RAP1GDS1: variants seen among roughly 807,000 people sequenced by gnomAD.
RAP1GDS1 encodes the protein Rap1 GTPase-GDP dissociation stimulator 1.
Under a neutral mutation model 71.1 loss-of-function variants are expected in RAP1GDS1, and 35 were observed. That is an observed-to-expected ratio of 0.49 (90% CI 0.38 to 0.65). The LOEUF (loss-of-function observed/expected upper bound fraction) is 0.65. RAP1GDS1 is among the 30% of genes least tolerant of loss of function. The pLI, the probability that RAP1GDS1 is intolerant of heterozygous loss-of-function variation, is 0.00. For synonymous variants in RAP1GDS1, 229 were observed against 243.1 expected (o/e 0.94, Z 0.54); for missense variants, 663 against 706.1 (o/e 0.94, Z 0.69).
intron 13 of RAP1GDS1, among the ~76,000 whole-genome samples, chr4:98,434,902 G>A (rs1356538636): frequency 3.3e-5 from 5 of 152,140 alleles, no homozygotes; most frequent in African/African-American, 9.7e-5. Context: ...GATTACAGGC[G>A]TGATCCACCA....
In RAP1GDS1 at chr4:98,343,206, A is replaced by G. The variant is rs748983558; in HGVS notation, c.180A>G (p.Pro60=). The G allele has an allele frequency of 6.2e-7, 1 of 1,605,916 alleles. No homozygotes were observed. The highest frequency in any genetic ancestry group is 1.7e-5 in the Admixed American group (1 of 59,970). ...ILQLFASLLT[P]QSSCKAKVAN... is the part of the protein sequence containing the mutation. Reference sequence around the variant, plus strand: ...AGCTGTTTGCAAGTCTGTTGACTCCACAGTCTTCCTGCAAAGCCAAAGTAG... The same window carrying G: ...AGCTGTTTGCAAGTCTGTTGACTCCGCAGTCTTCCTGCAAAGCCAAAGTAG... Residue 60 remains proline, a synonymous_variant, in exon 3 of 15, where the codon CCA becomes CCG. Coordinates refer to ENST00000408927, the MANE Select transcript of RAP1GDS1 (RefSeq NM_001100427.2).
chr4:98,426,632 C>T (rs538137772), intron 12 of RAP1GDS1, among the ~76,000 whole-genome samples: 4 of 151,950 alleles, frequency 2.6e-5, no homozygotes, highest in Non-Finnish European at 5.9e-5. Flanking sequence ...GGATAAATTC[C>T]TGGAAAAATA....
intron 5 of RAP1GDS1, 96 bp downstream of exon 5, chr4:98,379,259 A>G: frequency 2.5e-6 from 3 of 1,177,624 alleles, no homozygotes; most frequent in East Asian, 5.7e-5. Flanking sequence ...AATGATGAAC[A>G]AAGAATTCGT....
intron 1 of RAP1GDS1, among the ~76,000 whole-genome samples, chr4:98,279,534 G>C (rs976402789): frequency 4.0e-5 from 6 of 151,116 alleles, no homozygotes; most frequent in Non-Finnish European, 8.8e-5. Flanking sequence ...TTTTTTTTGA[G>C]ATGCAAATTA....
At chr4:98,372,235 T>C (rs1740491608) in intron 4 of RAP1GDS1, among the ~76,000 whole-genome samples, 1 of 152,188 alleles carries the variant, frequency 6.6e-6, no homozygotes. Context: ...CGATCTCGGC[T>C]CACTGCAACC....
At chr4:98,417,121 T>G (rs1461870706) in intron 8 of RAP1GDS1, among the ~76,000 whole-genome samples, 2 of 152,176 alleles carry the variant, frequency 1.3e-5, no homozygotes, top group African/African-American at 2.4e-5. Flanking sequence ...ATAGAAGAGA[T>G]AGCTTTGGCA....
intron 1 of RAP1GDS1, among the ~76,000 whole-genome samples, chr4:98,269,274 A>G (rs1723131163): frequency 6.6e-6 from 1 of 152,070 alleles, no homozygotes; most frequent in African/African-American, 2.4e-5. Context: ...ATACTGAAGA[A>G]TGACATTGGA....
intron 2 of RAP1GDS1, among the ~76,000 whole-genome samples, chr4:98,308,648 A>G (rs1319478649): frequency 2.0e-5 from 3 of 152,070 alleles, no homozygotes; most frequent in African/African-American, 7.2e-5. Flanking sequence ...ATAAGAAGGA[A>G]AATACAACAA....
chr4:98,369,443 C>T (rs1460486625), intron 4 of RAP1GDS1, among the ~76,000 whole-genome samples: 1 of 152,062 alleles, frequency 6.6e-6, no homozygotes, highest in Non-Finnish European at 1.5e-5. Context: ...TCACAGTAGC[C>T]TAAAACTAGA....
chr4:98,435,230 A>T (rs1182774994), intron 13 of RAP1GDS1, among the ~76,000 whole-genome samples: 3 of 152,056 alleles, frequency 2.0e-5, no homozygotes, highest in African/African-American at 7.2e-5. Context: ...GGACCCTCCA[A>T]CCCCAGTTCC....
intron 2 of RAP1GDS1, among the ~76,000 whole-genome samples, chr4:98,325,857 G>T (rs1320474435): frequency 1.3e-5 from 2 of 150,744 alleles, no homozygotes; most frequent in Non-Finnish European, 3.0e-5. Context: ...CACCAGCATG[G>T]CACATGTATA....
chr4:98,394,346 A>G (rs989110781), intron 6 of RAP1GDS1, among the ~76,000 whole-genome samples: 2 of 152,168 alleles, frequency 1.3e-5, no homozygotes, highest in African/African-American at 4.8e-5. Context: ...AGTATTAGTC[A>G]TTATTACCGC....
intron 1 of RAP1GDS1, among the ~76,000 whole-genome samples, chr4:98,279,023 T>C (rs1195333221): frequency 1.3e-5 from 2 of 151,974 alleles, no homozygotes. Context: ...GAGATCGAGA[T>C]CATCCTGGCT....
intron 2 of RAP1GDS1, among the ~76,000 whole-genome samples, chr4:98,339,423 TGAA>T (rs1298075025): frequency 6.6e-6 from 1 of 152,166 alleles, no homozygotes; most frequent in Non-Finnish European, 1.5e-5. Context: ...CACCTAGATG[TGAA>T]GGAGGAGAAA....
chr4:98,437,791 C>CAAA (rs374755985), intron 14 of RAP1GDS1, among the ~76,000 whole-genome samples: 1 of 124,858 alleles, frequency 8.0e-6, no homozygotes, highest in Non-Finnish European at 1.7e-5. Context: ...GACTCTGTCT[C>CAAA]AAAAAAAAAA....
chr4:98,380,041 C>G (rs1416639698), intron 5 of RAP1GDS1, among the ~76,000 whole-genome samples: 1 of 144,636 alleles, frequency 6.9e-6, no homozygotes, highest in African/African-American at 2.6e-5. Flanking sequence ...TTTTTTTTCA[C>G]ATTTTATAGT....
intron 6 of RAP1GDS1, among the ~76,000 whole-genome samples, chr4:98,399,518 T>C (rs149998522): frequency 9.2e-5 from 14 of 152,264 alleles, no homozygotes; most frequent in Non-Finnish European, 1.9e-4. Context: ...GGTCTTGAAC[T>C]CCTGGGCTCA....
chr4:98,313,427 A>G (rs1313318051), intron 2 of RAP1GDS1, among the ~76,000 whole-genome samples: 1 of 152,234 alleles, frequency 6.6e-6, no homozygotes, highest in Non-Finnish European at 1.5e-5. Flanking sequence ...AATTGATAGA[A>G]AATTAACCAT....
At chr4:98,299,040 A>G (rs1011128028) in intron 2 of RAP1GDS1, among the ~76,000 whole-genome samples, 1 of 152,104 alleles carries the variant, frequency 6.6e-6, no homozygotes, top group Non-Finnish European at 1.5e-5. Context: ...TATTTCTCCT[A>G]ATGCTATCCT....
Sources: allele counts gnomAD v4.1 joint callset (sites outside exome capture counted in the v4.1 genomes callset), GRCh38; gene constraint gnomAD v4.1.1; transcripts MANE v1.5; gene names NCBI Gene and HGNC (gene_info 2026-07-23, HGNC 2026-07-21).